The following SEZ6L variants were observed in gnomAD, a reference collection of about 807,000 sequenced individuals.
SEZ6L encodes the protein seizure 6-like protein.
A neutral mutation model predicts 106.2 loss-of-function variants in SEZ6L; 37 were observed. The ratio of observed to expected loss-of-function variants is 0.35; its 90% confidence interval spans 0.27 to 0.46. SEZ6L has a LOEUF of 0.46. Among genes scored for constraint, SEZ6L ranks in the 20% least tolerant of loss-of-function variants. The pLI is 1.00. For synonymous variants in SEZ6L, 541 were observed against 570.4 expected, an observed-to-expected ratio of 0.95 and a Z score of 0.73; for missense variants, 1,172 against 1,332.8, an observed-to-expected ratio of 0.88 and a Z score of 1.88.
At chr22:26,237,595 C>T (rs1302522743) in intron 1 of SEZ6L, among the ~76,000 whole-genome samples, 1 of 152,210 alleles carries the variant, frequency 6.6e-6, no homozygotes, top group Non-Finnish European at 1.5e-5. Context: ...ACCAGTGTTG[C>T]TCTTATTGTT....
chr22:26,342,322 C>A (rs2082861780), intron 10 of SEZ6L, among the ~76,000 whole-genome samples: 1 of 152,176 alleles, frequency 6.6e-6, no homozygotes, highest in Non-Finnish European at 1.5e-5. Context: ...TCTGCCACCA[C>A]CACTACCACA....
chr22:26,356,475 C>G (rs1462648474), intron 12 of SEZ6L, among the ~76,000 whole-genome samples: 1 of 151,736 alleles, frequency 6.6e-6, no homozygotes, highest in Non-Finnish European at 1.5e-5. Flanking sequence ...AACCCCGTCT[C>G]TACTAAAAAT....
intron 12 of SEZ6L, among the ~76,000 whole-genome samples, chr22:26,361,642 C>A (rs910026455): frequency 5.3e-5 from 8 of 152,046 alleles, no homozygotes; most frequent in Non-Finnish European, 8.8e-5. Flanking sequence ...TGCTGCCCAT[C>A]TCATGTGCGT....
intron 1 of SEZ6L, among the ~76,000 whole-genome samples, chr22:26,229,428 TA>T (rs898594578): frequency 2.6e-5 from 4 of 152,032 alleles, no homozygotes; most frequent in African/African-American, 4.8e-5. Context: ...CCAGCTGTTT[TA>T]AAAAAAATAA....
At chr22:26,282,839 T>C (rs1439637085) in intron 1 of SEZ6L, among the ~76,000 whole-genome samples, 2 of 152,158 alleles carry the variant, frequency 1.3e-5, no homozygotes, top group Non-Finnish European at 2.9e-5. Flanking sequence ...GGTAAATAGG[T>C]TCAGATTATT....
intron 1 of SEZ6L, among the ~76,000 whole-genome samples, chr22:26,285,097 C>G (rs1305809456): frequency 6.6e-6 from 1 of 152,128 alleles, no homozygotes; most frequent in East Asian, 1.9e-4. Flanking sequence ...CCCTGCTGCC[C>G]CCAAGGCCAC....
At chr22:26,277,691 C>G (rs1315954153) in intron 1 of SEZ6L, among the ~76,000 whole-genome samples, 1 of 152,182 alleles carries the variant, frequency 6.6e-6, no homozygotes, top group Non-Finnish European at 1.5e-5. Flanking sequence ...CACACCAAGT[C>G]TTGTTCTCAG....
intron 1 of SEZ6L, among the ~76,000 whole-genome samples, chr22:26,264,961 A>G (rs1322857820): frequency 6.6e-6 from 1 of 152,152 alleles, no homozygotes; most frequent in Non-Finnish European, 1.5e-5. Context: ...TAGAGACAAT[A>G]ATATGGGGAT....
intron 4 of SEZ6L, 113 bp from the exon 5 acceptor site, chr22:26,298,871 C>A (rs1404484470): frequency 1.1e-6 from 1 of 940,718 alleles, no homozygotes; most frequent in Non-Finnish European, 1.5e-6. Context: ...GCTCTGGAGT[C>A]CCCAGGGGCC....
chr22:26,273,014 T>C lies in SEZ6L; in HGVS notation c.95-19392T>C, dbSNP rs576949234. Among the ~76,000 whole-genome samples, 8 of 152,322 alleles carry C rather than the reference T, an allele frequency of 5.3e-5. No individual in the cohort carries two copies. In the South Asian group the frequency reaches 1.7e-3, roughly 32 times the overall value. On this transcript the variant is annotated intron_variant, in intron 1 of 16. Transcript: ENST00000248933. ...AATGCATGTAAAACACTTAGCACATTGTAAGGCTGAAAAAGTGGTAGCCAT... is the reference window on the plus strand; with the variant it reads ...AATGCATGTAAAACACTTAGCACATCGTAAGGCTGAAAAAGTGGTAGCCAT...
chr22:26,318,446 G>A (rs1289530293), intron 9 of SEZ6L, among the ~76,000 whole-genome samples: 2 of 150,474 alleles, frequency 1.3e-5, no homozygotes, highest in African/African-American at 4.9e-5. Flanking sequence ...AATCCAAACT[G>A]AGGACCACCA....
At chr22:26,340,741 A>G (rs1300571045) in intron 10 of SEZ6L, 109 bp downstream of exon 10, 7 of 910,484 alleles carry the variant, frequency 7.7e-6, no homozygotes, top group African/African-American at 1.7e-5. Flanking sequence ...TTTTCATTGT[A>G]TTGTATTGAA....
At chr22:26,368,966 C>A (rs545402815) in intron 13 of SEZ6L, among the ~76,000 whole-genome samples, 4 of 152,212 alleles carry the variant, frequency 2.6e-5, no homozygotes, top group African/African-American at 9.6e-5. Context: ...AGAAAGACCC[C>A]CAACCAGCCA....
intron 1 of SEZ6L, 66 bp from the exon 2 acceptor site, chr22:26,292,340 A>G: frequency 7.5e-7 from 1 of 1,327,652 alleles, no homozygotes; most frequent in Non-Finnish European, 1.0e-6. Context: ...CCACCCTCAG[A>G]GTCTGACAGC....
Position 26,203,471 on chromosome 22 carries a change from A to G in SEZ6L, c.94+33708A>G, listed in dbSNP as rs574266887. On this transcript the variant is annotated intron_variant, in intron 1 of 16. Transcript: ENST00000248933. ...CACATCTTTGGCAAGCAGCAAATATATAGAAGGTGTAGGTACAAGCTTCTT... is the reference window on the plus strand; with the variant it reads ...CACATCTTTGGCAAGCAGCAAATATGTAGAAGGTGTAGGTACAAGCTTCTT... Among the ~76,000 whole-genome samples the G allele has an allele frequency of 1.2e-4, 19 of 152,366 alleles. 1 individual carries two copies. The Middle Eastern group carries it at 0.01, about 82-fold the overall frequency.
chr22:26,345,696 A>G (rs2082986334), intron 10 of SEZ6L, among the ~76,000 whole-genome samples: 1 of 152,216 alleles, frequency 6.6e-6, no homozygotes, highest in Admixed American at 6.5e-5. Context: ...GCCATTGCTT[A>G]GTTCTCAGAA....
chr22:26,204,958 C>T (rs1941201886), intron 1 of SEZ6L, among the ~76,000 whole-genome samples: 2 of 152,230 alleles, frequency 1.3e-5, no homozygotes, highest in South Asian at 4.1e-4. Flanking sequence ...GTGACATGTG[C>T]CAGCCAGAAG....
chr22:26,191,588 G>A (rs1291554993), intron 1 of SEZ6L, among the ~76,000 whole-genome samples: 1 of 151,502 alleles, frequency 6.6e-6, no homozygotes, highest in African/African-American at 2.4e-5. Flanking sequence ...CCTGTTGGAG[G>A]GTTGGGGGGT....
chr22:26,205,391 T>A (rs959847082), intron 1 of SEZ6L, among the ~76,000 whole-genome samples: 4 of 152,232 alleles, frequency 2.6e-5, no homozygotes, highest in Non-Finnish European at 5.9e-5. Flanking sequence ...TCCCCACTCC[T>A]CTTCTCCTCC....
Sources: allele counts gnomAD v4.1 joint callset (sites outside exome capture counted in the v4.1 genomes callset), GRCh38; gene constraint gnomAD v4.1.1; transcripts MANE v1.5; gene names NCBI Gene and HGNC (gene_info 2026-07-23, HGNC 2026-07-21).